Variants in VRK2 observed in about 807,000 individuals in gnomAD.
VRK2 encodes VRK serine/threonine kinase 2.
VRK2 carries 60 observed loss-of-function variants against 57.6 expected under a neutral mutation model. That is an observed-to-expected ratio of 1.04 (90% confidence interval 0.85 to 1.29). The LOEUF (loss-of-function observed/expected upper bound fraction) is 1.29, where lower values mean the gene tolerates loss of function less well. VRK2 is among the 50% of genes most tolerant of loss of function. The probability of loss-of-function intolerance (pLI) is 0.00; values close to 1 mark genes in which losing one functional copy is unlikely to be tolerated. For missense variants in VRK2, 705 were observed against 588.1 expected (o/e 1.20, Z -2.06); for synonymous variants, 231 against 199.2 (o/e 1.16, Z -1.35).
intron 1 of VRK2, among the ~76,000 whole-genome samples, chr2:57,974,398 A>G (rs1158965166): frequency 6.6e-6 from 1 of 151,982 alleles, no homozygotes; most frequent in Non-Finnish European, 1.5e-5. Context: ...CTTTTAAAGT[A>G]TATATGGGAT....
At chr2:58,135,066 A>G in intron 9 of VRK2, 75 bp from the exon 10 acceptor site, 2 of 1,514,450 alleles carry the variant, frequency 1.3e-6, no homozygotes, top group Non-Finnish European at 1.8e-6. Context: ...CAACACATAG[A>G]GTGTTTTGTT....
chr2:57,926,110 T>G (rs1329528173), intron 1 of VRK2, among the ~76,000 whole-genome samples: 1 of 151,950 alleles, frequency 6.6e-6, no homozygotes, highest in East Asian at 1.9e-4. Context: ...TATAATTTCT[T>G]TTTTTTATTT....
At chr2:58,075,283 A>G (rs1669934333) in intron 2 of VRK2, among the ~76,000 whole-genome samples, 1 of 152,008 alleles carries the variant, frequency 6.6e-6, no homozygotes, top group Admixed American at 6.6e-5. Context: ...CTTTCTTTAT[A>G]TAGTTCACCA....
chr2:57,911,604 G>C (rs1046871019), intron 1 of VRK2, among the ~76,000 whole-genome samples: 1 of 152,098 alleles, frequency 6.6e-6, no homozygotes, highest in Non-Finnish European at 1.5e-5. Flanking sequence ...GGTAAGTACT[G>C]GAAAGAGGGA....
chr2:57,991,039 G>A (rs910132108), intron 1 of VRK2, among the ~76,000 whole-genome samples: 3 of 151,552 alleles, frequency 2.0e-5, no homozygotes, highest in African/African-American at 4.9e-5. Flanking sequence ...TCCTGAAAGA[G>A]AATGTCAAGA....
At chr2:58,120,621 C>T (rs1677331036) in intron 7 of VRK2, among the ~76,000 whole-genome samples, 1 of 152,168 alleles carries the variant, frequency 6.6e-6, no homozygotes, top group Non-Finnish European at 1.5e-5. Context: ...CTTGACACAA[C>T]TTGACAGTCT....
chr2:58,119,476 CAAA>C (rs35693605), intron 7 of VRK2, among the ~76,000 whole-genome samples: 3 of 87,306 alleles, frequency 3.4e-5, no homozygotes, highest in Non-Finnish European at 6.4e-5. Context: ...GACTCCATCT[CAAA>C]AAAAAAAAAA....
At chr2:58,126,129 A>T (rs577162063) in intron 8 of VRK2, among the ~76,000 whole-genome samples, 1 of 152,110 alleles carries the variant, frequency 6.6e-6, no homozygotes, top group East Asian at 1.9e-4. Flanking sequence ...AATAGTGCAA[A>T]ATAAAGTACA....
At chr2:58,124,771 C>A (rs1282807498) in intron 8 of VRK2, among the ~76,000 whole-genome samples, 1 of 152,070 alleles carries the variant, frequency 6.6e-6, no homozygotes, top group Non-Finnish European at 1.5e-5. Context: ...CAGAAAGATT[C>A]ATAGGCTTGA....
intron 5 of VRK2, among the ~76,000 whole-genome samples, chr2:58,087,543 A>G (rs766208871): frequency 6.6e-6 from 1 of 152,232 alleles, no homozygotes; most frequent in Non-Finnish European, 1.5e-5. Context: ...GCATAGATAT[A>G]GAATAGGGGC....
intron 5 of VRK2, 104 bp from the exon 6 acceptor site, chr2:58,088,237 C>T (rs1215485739): frequency 1.3e-6 from 1 of 773,506 alleles, no homozygotes; most frequent in South Asian, 1.7e-5. Context: ...TTGCATTATA[C>T]TTAGTTGTTA....
chr2:58,016,542 A>G (rs2103660909), intron 1 of VRK2, among the ~76,000 whole-genome samples: 1 of 152,008 alleles, frequency 6.6e-6, no homozygotes, highest in South Asian at 2.1e-4. Context: ...TTTAATTAGT[A>G]GAGATGGGGA....
chr2:58,030,007 C>T (rs575023715), intron 2 of VRK2, among the ~76,000 whole-genome samples: 12 of 152,220 alleles, frequency 7.9e-5, no homozygotes, highest in Non-Finnish European at 8.8e-5. Flanking sequence ...TTTTCATCTA[C>T]GTTAGCAACT....
At chr2:58,046,600 C>T (rs1418227120), upstream of VRK2, 9 of 985,456 alleles carry the variant, frequency 9.1e-6, no homozygotes, top group Non-Finnish European at 9.6e-6. Context: ...TCCCATTCCC[C>T]ATGTAGCCGC....
chr2:58,090,478 A>G (rs1672225769), intron 7 of VRK2, among the ~76,000 whole-genome samples: 1 of 151,934 alleles, frequency 6.6e-6, no homozygotes, highest in East Asian at 1.9e-4. Flanking sequence ...ATTCTGTTTG[A>G]CTGTCCAATA....
At chr2:57,988,030 A>C (rs1211352503) in intron 1 of VRK2, among the ~76,000 whole-genome samples, 1 of 152,204 alleles carries the variant, frequency 6.6e-6, no homozygotes, top group Admixed American at 6.5e-5. Flanking sequence ...AAAGCATGGC[A>C]TGGGAAATTT....
chr2:58,030,418 T>G (rs924814789), intron 2 of VRK2, among the ~76,000 whole-genome samples: 3 of 152,112 alleles, frequency 2.0e-5, no homozygotes, highest in African/African-American at 7.2e-5. Flanking sequence ...CTTTGCTGTA[T>G]AGACTTTAAT....
chr2:58,127,146 T>C (rs566611428), intron 8 of VRK2, among the ~76,000 whole-genome samples: 1 of 152,258 alleles, frequency 6.6e-6, no homozygotes, highest in South Asian at 2.1e-4. Flanking sequence ...TGCATACTTT[T>C]TTTTAATTTT....
chr2:58,114,324 G>A (rs2104431952), intron 7 of VRK2, among the ~76,000 whole-genome samples: 1 of 151,904 alleles, frequency 6.6e-6, no homozygotes, highest in Non-Finnish European at 1.5e-5. Context: ...GTGATGGCTT[G>A]GAGAAACAGT....
Sources: gnomAD v4.1 joint callset for allele counts (sites outside exome capture counted in the v4.1 genomes callset) on GRCh38, gnomAD v4.1.1 for gene constraint, MANE v1.5 for transcripts, NCBI Gene and HGNC (gene_info 2026-07-23, HGNC 2026-07-21) for gene names.